The following PACSIN3 variants were observed in gnomAD, a reference collection of about 807,000 sequenced individuals.
PACSIN3 encodes the protein protein kinase C and casein kinase substrate in neurons protein 3.
Under a neutral mutation model 56.1 loss-of-function variants are expected in PACSIN3, and 34 were observed. The ratio of observed to expected loss-of-function variants is 0.61; its 90% CI spans 0.46 to 0.81. The LOEUF (loss-of-function observed/expected upper bound fraction) is 0.81, where lower values mean the gene tolerates loss of function less well. Among genes scored for constraint, PACSIN3 ranks in the 30% least tolerant of loss-of-function variants. The pLI is 0.00. For synonymous variants in PACSIN3, 218 were observed against 229.8 expected, an observed-to-expected ratio of 0.95 and a Z score of 0.46; for missense variants, 535 against 592.4, an observed-to-expected ratio of 0.90 and a Z score of 1.01.
In PACSIN3 at chr11:47,178,425, C is replaced by T. The variant is rs1168948614; in HGVS notation, c.1100G>A (p.Arg367Gln). ...AGCGTAGTCATAGAGTGCCCTCACC[C>T]GAACCCCGGTGGCAGCCTTCCGGGG... Reference protein sequence around the residue: ...ESPRKAATGVRVRALYDYAGQ... With the variant: ...ESPRKAATGVQVRALYDYAGQ... Residue 367 changes from arginine (R) to glutamine (Q), a missense_variant, in exon 10 of 11, where the codon CGG becomes CAG. Physicochemically the swap from Arg to Gln is conservative, Grantham distance 43. Transcript: ENST00000298838. This position sits in a 1 kb window ranked among gnomAD's most constrained non-coding sequence, Gnocchi z 4.2. The T allele has an allele frequency of 5.0e-6, 8 of 1,614,044 alleles. No individual in the cohort carries two copies. The highest frequency in any genetic ancestry group is 1.7e-5 in the Admixed American group (1 of 60,022).
chr11:47,179,334 G>A lies in PACSIN3; in HGVS notation c.780-55C>T, dbSNP rs548013601. ...GGAAGTCTAGACCCTGCATCCCTCA[G>A]TCCCAGCCAGGGCCTCGGGGAGATG... is the stretch of plus-strand genomic sequence containing the variant. On this transcript the variant is annotated intron_variant, in intron 7 of 10. Coordinates refer to ENST00000298838, the MANE Select transcript of PACSIN3 (RefSeq NM_016223.5). This position sits in a 1 kb window ranked among gnomAD's most constrained non-coding sequence, Gnocchi z 4.4. 3.7e-6 allele frequency: 6 copies of A among 1,613,474 alleles called. No individual in the cohort carries two copies. The highest frequency in any genetic ancestry group is 1.1e-5 in the South Asian group (1 of 91,082).
At position 47,179,685 on chromosome 11, in the gene PACSIN3, G is replaced by T. The variant is rs1258077257; in HGVS notation, c.604-99C>A. The T allele has an allele frequency of 1.7e-6, 2 of 1,193,948 alleles. No individual in the cohort carries two copies. The highest frequency in any genetic ancestry group is 2.3e-6 in the Non-Finnish European group (2 of 858,156). The allele number at this position is 1,193,948 out of a possible 1,614,324, so 74.0% of individuals were successfully genotyped here. A position where few individuals can be genotyped will look rare whatever the true frequency, so the allele number is the denominator to read the frequency against. On this transcript the variant is annotated intron_variant, in intron 6 of 10. Coordinates refer to ENST00000298838, the MANE Select transcript of PACSIN3 (RefSeq NM_016223.5). This position sits in a 1 kb window ranked among gnomAD's most constrained non-coding sequence, Gnocchi z 4.4. ...ACTGCCATAGGCTGCTAGACCCAGG[G>T]CTAGCCACTAGGGGCAATCAGTCCC...
In PACSIN3 at chr11:47,179,410, C is replaced by G. The variant is rs774414693; in HGVS notation, c.779+1G>C. On this transcript the variant is annotated splice_donor_variant, in intron 7 of 10. Coordinates refer to ENST00000298838, the MANE Select transcript of PACSIN3 (RefSeq NM_016223.5). LOFTEE classifies it high-confidence loss of function. This position sits in a 1 kb window ranked among gnomAD's most constrained non-coding sequence, Gnocchi z 4.4. ...CTCCATGCCCACCAGGCAGTTCATACTTCTCACTGCTGGAAAGGTCCAGGT... is the reference window on the plus strand; with the variant it reads ...CTCCATGCCCACCAGGCAGTTCATAGTTCTCACTGCTGGAAAGGTCCAGGT... The G allele has an allele frequency of 2.5e-6, 4 of 1,613,942 alleles. No individual in the cohort carries two copies. Among genetic ancestry groups the G allele is most frequent in the Non-Finnish European group, 3.4e-6 (4 of 1,180,006 alleles).
In PACSIN3 at chr11:47,178,315, G is replaced by A. The variant is rs773909079; in HGVS notation, c.1159+51C>T. On this transcript the variant is annotated intron_variant, in intron 10 of 10. Transcript: ENST00000298838. The surrounding 1 kb of genome is among the most constrained non-coding windows in gnomAD (Gnocchi z 4.2). ...TTTGGCTTCCCTTTCTGACACCCCT[G>A]CTCAGGCAGATAAGGCAGAGGCTGA... is the stretch of plus-strand genomic sequence containing the variant. 17 of 1,603,972 alleles carry A rather than the reference G, an allele frequency of 1.1e-5. No homozygotes were observed. Among genetic ancestry groups the A allele is most frequent in the Middle Eastern group, 3.3e-4 (2 of 6,036 alleles).
chr11:47,180,061 GA>G, intron 6 of PACSIN3, 124 bp downstream of exon 6: 1 of 831,444 alleles, frequency 1.2e-6, no homozygotes, highest in South Asian at 1.6e-5. Context: ...CATCTGGAGA[GA>G]GGGTGGCAGG....
intron 4 of PACSIN3, among the ~76,000 whole-genome samples, chr11:47,181,057 T>C (rs1953014203): frequency 1.3e-5 from 2 of 151,508 alleles, no homozygotes; most frequent in Admixed American, 6.6e-5. Flanking sequence ...GGTCAGGAGA[T>C]CGAGACCATC....
chr11:47,179,788 T>C lies in PACSIN3; in HGVS notation c.604-202A>G. ...ATCAGGCACAGCATATAAAAGAGTC[T>C]GGTGAGGATTGAAATGAGGTCAACC... is the stretch of plus-strand genomic sequence containing the variant. On this transcript the variant is annotated intron_variant, in intron 6 of 10. Coordinates refer to ENST00000298838, the MANE Select transcript of PACSIN3 (RefSeq NM_016223.5). This position sits in a 1 kb window ranked among gnomAD's most constrained non-coding sequence, Gnocchi z 4.4. 1.7e-6 allele frequency: 1 copy of C among 586,514 alleles called. No individual in the cohort carries two copies. The highest frequency in any genetic ancestry group is 3.0e-6 in the Non-Finnish European group (1 of 332,470). The allele number at this position is 586,514 out of a possible 1,614,324, so 36.3% of individuals were successfully genotyped here. A position where few individuals can be genotyped will look rare whatever the true frequency, so the allele number is the denominator to read the frequency against.
At chr11:47,182,939 G>A (rs1390223677) in intron 2 of PACSIN3, 65 bp downstream of exon 2, 2 of 501,974 alleles carry the variant, frequency 4.0e-6, no homozygotes, top group African/African-American at 2.0e-5. Flanking sequence ...CAGGATGGGT[G>A]AGGATGGAGT....
chr11:47,180,424 T>C, intron 5 of PACSIN3, 31 bp downstream of exon 5: 1 of 1,592,738 alleles, frequency 6.3e-7, no homozygotes, highest in Non-Finnish European at 8.5e-7. Flanking sequence ...GGAAGGAGCC[T>C]GTCTCGGATA....
rs751462315 is a variant in PACSIN3, at chr11:47,182,388, G to A, written c.211+15C>T. The A allele has an allele frequency of 4.4e-6, 7 of 1,587,148 alleles. No homozygotes were observed. The highest frequency in any genetic ancestry group is 3.3e-4 in the Middle Eastern group (2 of 6,036). ...CACTCAGCTGCCCTCTGCCCCCTGC[G>A]AGGGCCTGGCTCACCCTTCTCCACG... On this transcript the variant is annotated intron_variant, in intron 4 of 10. Transcript: ENST00000298838.
chr11:47,184,782 G>A (rs1953089269), intron 1 of PACSIN3, among the ~76,000 whole-genome samples: 1 of 152,206 alleles, frequency 6.6e-6, no homozygotes, highest in Non-Finnish European at 1.5e-5. Context: ...GAATCACAGG[G>A]CTCTGGAGCC....
In PACSIN3 at chr11:47,177,530, T is replaced by C. The variant is rs1480341738; in HGVS notation, c.*401A>G. 5.1e-6 allele frequency: 1 copy of C among 196,156 alleles called. No homozygotes were observed. The highest frequency in any genetic ancestry group is 1.9e-3 in the Middle Eastern group (1 of 516). 12.2% of individuals were successfully genotyped at this position (196,156 alleles called of 1,614,324 possible). ...GCACATGAGCCCGACAGTGGTGTTT[T>C]TGTTTTTGTGTGTGGGTGTGTGTCA... On this transcript the variant is annotated 3_prime_UTR_variant, in exon 11 of 11. Transcript: ENST00000298838.
chr11:47,179,083 A>C lies in PACSIN3; in HGVS notation c.901-53T>G. ...GGGGCCATCTGAACCACCTTCACTTACTTCATCCCTAGCCCTGGCCGAGCT... is the reference window on the plus strand; with the variant it reads ...GGGGCCATCTGAACCACCTTCACTTCCTTCATCCCTAGCCCTGGCCGAGCT... On this transcript the variant is annotated intron_variant, in intron 8 of 10. Coordinates refer to ENST00000298838, the MANE Select transcript of PACSIN3 (RefSeq NM_016223.5). The surrounding 1 kb of genome is among the most constrained non-coding windows in gnomAD (Gnocchi z 4.4). 1.2e-6 allele frequency: 2 copies of C among 1,613,902 alleles called. No individual in the cohort carries two copies.
chr11:47,184,004 GA>G (rs998430257), intron 1 of PACSIN3, among the ~76,000 whole-genome samples: 4 of 150,506 alleles, frequency 2.7e-5, no homozygotes, highest in African/African-American at 7.4e-5. Flanking sequence ...GCAACAGAGT[GA>G]GACTGTCTCA....
In PACSIN3 at chr11:47,180,535, G is replaced by A. The variant is rs759834008; in HGVS notation, c.367C>T (p.Leu123=). Residue 123 remains leucine (L), a synonymous_variant, in exon 5 of 11, where the codon CTG becomes TTG. Coordinates refer to ENST00000298838, the MANE Select transcript of PACSIN3 (RefSeq NM_016223.5). ...GCCCGGCTCTCGCGGAAGCCGCCCA[G>A]CACAGGCCGGTGGAAAGCCCCCCGC... ...WQRGAFHRPV[L]GGFRESRAAE... The A allele has an allele frequency of 2.5e-6, 4 of 1,603,988 alleles. No individual in the cohort carries two copies. Among genetic ancestry groups the A allele is most frequent in the Middle Eastern group, 1.6e-4 (1 of 6,080 alleles).
In PACSIN3 at chr11:47,180,525, A is replaced by C. The variant is rs773389040; in HGVS notation, c.377T>G (p.Phe126Cys). Residue 126 changes from phenylalanine (F) to cysteine (C), a missense_variant, in exon 5 of 11, where the codon TTC (phenylalanine) becomes TGC (cysteine). Phe to Cys is a radical substitution (Grantham distance 205). Coordinates refer to ENST00000298838, the MANE Select transcript of PACSIN3 (RefSeq NM_016223.5). The stretch of plus-strand genomic sequence containing the variant: ...GTCCTCGGCCGCCCGGCTCTCGCGG[A>C]AGCCGCCCAGCACAGGCCGGTGGAA... Reference protein sequence around the residue: ...GAFHRPVLGGFRESRAAEDGF... With the variant: ...GAFHRPVLGGCRESRAAEDGF... 18 of 1,603,812 alleles carry C rather than the reference A, an allele frequency of 1.1e-5. No homozygotes were observed. In the South Asian group the frequency reaches 1.8e-4, roughly 16 times the overall value.
Position 47,179,449 on chromosome 11 carries a change from G to A in PACSIN3, c.741C>T (p.Leu247=), listed in dbSNP as rs1378372158. Residue 247 remains leucine, a synonymous_variant, in exon 7 of 11, where the codon CTC becomes CTT. Transcript: ENST00000298838. This position sits in a 1 kb window ranked among gnomAD's most constrained non-coding sequence, Gnocchi z 4.4. ...AAAGGTCCAGGTGCTGGTGTAAGGT[G>A]AGCAGCATATCCTTGAAGAAAAGAA... The part of the protein sequence containing the change: ...QRLLFFKDML[L]TLHQHLDLSS... 1.9e-6 allele frequency: 3 copies of A among 1,614,094 alleles called. No homozygotes were observed. Among genetic ancestry groups the A allele is most frequent in the Non-Finnish European group, 1.7e-6 (2 of 1,180,038 alleles).
chr11:47,179,320 C>A lies in PACSIN3; in HGVS notation c.780-41G>T, dbSNP rs778543860. Reference sequence around the variant, plus strand: ...CACCCCTCAGTCTAGGAAGTCTAGACCCTGCATCCCTCAGTCCCAGCCAGG... The same window carrying A: ...CACCCCTCAGTCTAGGAAGTCTAGAACCTGCATCCCTCAGTCCCAGCCAGG... On this transcript the variant is annotated intron_variant, in intron 7 of 10. Transcript: ENST00000298838. The surrounding 1 kb of genome is among the most constrained non-coding windows in gnomAD (Gnocchi z 4.4). The A allele has an allele frequency of 1.9e-6, 3 of 1,613,912 alleles. No homozygotes were observed. Among genetic ancestry groups the A allele is most frequent in the East Asian group, 2.2e-5 (1 of 44,888 alleles).
chr11:47,182,592 G>A, intron 3 of PACSIN3, 33 bp from the exon 4 acceptor site: 1 of 1,604,618 alleles, frequency 6.2e-7, no homozygotes, highest in Non-Finnish European at 8.5e-7. Flanking sequence ...CCATCACCAG[G>A]GAGAAGCTTC....
Sources: allele counts gnomAD v4.1 joint callset (sites outside exome capture counted in the v4.1 genomes callset), GRCh38; gene constraint gnomAD v4.1.1; non-coding constraint Gnocchi (gnomAD v3.1); transcripts MANE v1.5; gene names NCBI Gene and HGNC (gene_info 2026-07-23, HGNC 2026-07-21).